The following SLC9A8 variants were observed in gnomAD, a reference collection of about 807,000 sequenced individuals.
The protein encoded by SLC9A8 is solute carrier family 9 member A8.
A neutral mutation model predicts 66.6 loss-of-function variants in SLC9A8; 48 were observed. That is an observed-to-expected ratio of 0.72 (90% confidence interval 0.57 to 0.92). The LOEUF is 0.92. Among genes scored for constraint, SLC9A8 ranks in the 40% least tolerant of loss-of-function variants. SLC9A8 has a pLI of 0.00. For missense variants in SLC9A8, 599 were observed against 747.3 expected (o/e 0.80, Z 2.31); for synonymous variants, 274 against 282.6 (o/e 0.97, Z 0.31).
intron 3 of SLC9A8, among the ~76,000 whole-genome samples, chr20:49,825,802 G>T (rs2086893976): frequency 6.6e-6 from 1 of 152,172 alleles, no homozygotes; most frequent in Non-Finnish European, 1.5e-5. Flanking sequence ...CTTTTCCCCG[G>T]CTTCGCTGTC....
intron 3 of SLC9A8, among the ~76,000 whole-genome samples, chr20:49,834,109 C>T (rs375948225): frequency 2.1e-5 from 3 of 139,984 alleles, no homozygotes; most frequent in Non-Finnish European, 3.1e-5. Context: ...ATTAGCCGGG[C>T]GTGGTGGTGC....
chr20:49,887,863 T>G lies in SLC9A8; in HGVS notation c.1673T>G (p.Leu558Arg). 6.2e-7 allele frequency: 1 copy of G among 1,612,834 alleles called. No homozygotes were observed. The highest frequency in any genetic ancestry group is 2.2e-5 in the East Asian group (1 of 44,832). Residue 558 changes from leucine to arginine, a missense_variant, in exon 16 of 16, where the codon CTC (leucine) becomes CGC (arginine). Transcript: ENST00000361573. ...CACGGGCGCATCCAGATGAAAACTC[T>G]CACCAACAAGTGGTACGAGGAGGTA... ...LHHGRIQMKT[L>R]TNKWYEEVRQ...
At chr20:49,865,548 G>A (rs2088926722) in intron 10 of SLC9A8, among the ~76,000 whole-genome samples, 1 of 152,174 alleles carries the variant, frequency 6.6e-6, no homozygotes, top group Non-Finnish European at 1.5e-5. Context: ...CCCCATTGGA[G>A]GAGGGCACAC....
chr20:49,846,070 C>T (rs995389950), intron 5 of SLC9A8, among the ~76,000 whole-genome samples: 1 of 152,130 alleles, frequency 6.6e-6, no homozygotes, highest in Non-Finnish European at 1.5e-5. Context: ...AACTCCTGAC[C>T]TCAAGTGATC....
intron 14 of SLC9A8, 154 bp downstream of exon 14, chr20:49,884,220 ACACACACACACACACACACAC>A (rs2089744140): frequency 3.7e-6 from 1 of 273,276 alleles, no homozygotes; most frequent in Non-Finnish European, 6.6e-6. Flanking sequence ...ACACACACAC[ACACACACACACACACACACAC>A]GACACACACA....
At chr20:49,828,951 C>A (rs932778000) in intron 3 of SLC9A8, among the ~76,000 whole-genome samples, 1 of 149,516 alleles carries the variant, frequency 6.7e-6, no homozygotes, top group Non-Finnish European at 1.5e-5. Context: ...GCATTTATTT[C>A]TTTTTAACAC....
chr20:49,849,743 T>C, intron 6 of SLC9A8, 63 bp downstream of exon 6: 5 of 1,356,702 alleles, frequency 3.7e-6, no homozygotes, highest in African/African-American at 2.9e-5. Context: ...TGCAGGGAGG[T>C]GGGAAGGTGA....
At position 49,874,868 on chromosome 20, in the gene SLC9A8, A is replaced by C. The variant is rs753193916; in HGVS notation, c.1075+47A>C. 1.9e-5 allele frequency: 25 copies of C among 1,284,626 alleles called. No homozygotes were observed. The South Asian group carries it at 3.0e-4, about 15-fold the overall frequency. 79.6% of individuals were successfully genotyped at this position (1,284,626 alleles called of 1,614,324 possible). On this transcript the variant is annotated intron_variant, in intron 11 of 15. Transcript: ENST00000361573. ...CCGTGAGCAGGCCCACCCAGAGCTG[A>C]TCTTGCTTCCTTATCCTGTTTGAGA...
At position 49,884,063 on chromosome 20, in the gene SLC9A8, G is replaced by A. The variant is rs531477309; in HGVS notation, c.1488G>A (p.Lys496=). ...KKDVNLSKTE[K]MGNTVESEHL... The stretch of plus-strand genomic sequence containing the variant: ...ACGTCAACCTCAGCAAGACTGAGAA[G>A]ATGGTTAGTACCATGCGCCTGTGGG... Residue 496 remains lysine (K), a synonymous_variant, in exon 14 of 16, where the codon AAG becomes AAA. Coordinates refer to ENST00000361573, the MANE Select transcript of SLC9A8 (RefSeq NM_015266.3). 8 of 1,613,224 alleles carry A rather than the reference G, an allele frequency of 5.0e-6. No individual in the cohort carries two copies. The highest frequency in any genetic ancestry group is 6.8e-6 in the Non-Finnish European group (8 of 1,179,866).
chr20:49,882,393 T>A (rs1478993904), intron 13 of SLC9A8, among the ~76,000 whole-genome samples: 1 of 152,116 alleles, frequency 6.6e-6, no homozygotes, highest in East Asian at 1.9e-4. Flanking sequence ...ACCACTTCAC[T>A]CTCTTCCCCG....
intron 11 of SLC9A8, among the ~76,000 whole-genome samples, chr20:49,875,595 A>G (rs2089393818): frequency 6.6e-6 from 1 of 152,188 alleles, no homozygotes; most frequent in Non-Finnish European, 1.5e-5. Context: ...ACGCTCCGAC[A>G]TACCCATGTA....
intron 8 of SLC9A8, among the ~76,000 whole-genome samples, chr20:49,858,021 A>G (rs1041799511): frequency 6.6e-6 from 1 of 152,246 alleles, no homozygotes; most frequent in Non-Finnish European, 1.5e-5. Context: ...TATCACACAC[A>G]TTGCTACTAC....
intron 3 of SLC9A8, chr20:49,831,142 A>C (rs1171985274): frequency 2.1e-5 from 11 of 513,482 alleles, no homozygotes; most frequent in Non-Finnish European, 3.6e-5. Flanking sequence ...CCTCTTCCTC[A>C]CATGGGGTCA....
rs769964283 is a variant in SLC9A8 at position 49,880,968 on chromosome 20, C to T, written c.1203C>T (p.Ser401=). 1 of 1,614,052 alleles carries T rather than the reference C, an allele frequency of 6.2e-7. No individual in the cohort carries two copies. Among genetic ancestry groups the T allele is most frequent in the East Asian group, 2.2e-5 (1 of 44,890 alleles). ...GAGCGGTAAACATTTTCCCTCTTTC[C>T]TACCTCCTGAATTTCTTCCGGGATC... ...FGRAVNIFPL[S]YLLNFFRDHK... is the part of the protein sequence containing the mutation. The change falls in exon 13 of 16, where the codon TCC becomes TCT. Residue 401 remains serine, a synonymous_variant. Transcript: ENST00000361573.
chr20:49,882,121 C>T (rs556116915), intron 13 of SLC9A8, among the ~76,000 whole-genome samples: 20 of 141,558 alleles, frequency 1.4e-4, no homozygotes, highest in South Asian at 1.3e-3. Flanking sequence ...AGAGCTTCTC[C>T]TCCTTCCCAC....
At chr20:49,826,110 A>G (rs1002100112) in intron 3 of SLC9A8, among the ~76,000 whole-genome samples, 7 of 152,190 alleles carry the variant, frequency 4.6e-5, no homozygotes, top group African/African-American at 7.2e-5. Flanking sequence ...CTTGCTTTCA[A>G]TGCTTACTTG....
In SLC9A8 at chr20:49,829,991, G is replaced by T. The variant is rs545648382; in HGVS notation, c.289+6850G>T. 13 of 623,916 alleles carry T rather than the reference G, an allele frequency of 2.1e-5. No homozygotes were observed. In the East Asian group the frequency reaches 4.4e-4, roughly 21 times the overall value. The allele number at this position is 623,916 out of a possible 1,614,324, so 38.6% of individuals were successfully genotyped here. A position where few individuals can be genotyped will look rare whatever the true frequency, so the allele number is the denominator to read the frequency against. On this transcript the variant is annotated intron_variant, in intron 3 of 15. Transcript: ENST00000361573. ...GAAGAATGTCACCATCGTGGAGTCC[G>T]GTACCTTGAAGTGGATGATGGCCGG...
At chr20:49,857,718 A>T (rs1195679912) in intron 8 of SLC9A8, among the ~76,000 whole-genome samples, 3 of 152,034 alleles carry the variant, frequency 2.0e-5, no homozygotes, top group Admixed American at 6.6e-5. Flanking sequence ...ACTCTGTTTT[A>T]AAAAAAACAA....
intron 3 of SLC9A8, chr20:49,830,232 A>G (rs1203469964): frequency 1.3e-5 from 12 of 899,420 alleles, no homozygotes; most frequent in African/African-American, 1.1e-4. Flanking sequence ...AGACAAAAAG[A>G]TGGGATTTGG....
Sources: allele counts gnomAD v4.1 joint callset (sites outside exome capture counted in the v4.1 genomes callset), GRCh38; gene constraint gnomAD v4.1.1; transcripts MANE v1.5; gene names NCBI Gene and HGNC (gene_info 2026-07-23, HGNC 2026-07-21).